Variants in UNC80 observed in about 807,000 individuals in gnomAD.
UNC80 encodes protein unc-80 homolog.
UNC80 carries 164 observed loss-of-function variants against 384.6 expected under a neutral mutation model. The ratio of observed to expected loss-of-function variants is 0.43; its 90% CI spans 0.38 to 0.49. UNC80 has a LOEUF of 0.49. Ranked by LOEUF, UNC80 falls within the 20% of genes least tolerant of loss-of-function variation. The pLI, the probability that UNC80 is intolerant of heterozygous loss-of-function variation, is 0.00. For missense variants in UNC80, 3,330 were observed against 4,143.0 expected, an observed-to-expected ratio of 0.80 and a Z score of 5.39; for synonymous variants, 1,486 against 1,527.8, an observed-to-expected ratio of 0.97 and a Z score of 0.64.
intron 18 of UNC80, 22 bp downstream of exon 18, chr2:209,835,032 T>G: frequency 2.6e-6 from 4 of 1,530,084 alleles, no homozygotes; most frequent in Non-Finnish European, 3.5e-6. Flanking sequence ...TGGTTTTGTC[T>G]CCAGTGCAGA....
intron 20 of UNC80, among the ~76,000 whole-genome samples, chr2:209,841,358 T>TTG (rs2081734258): frequency 6.6e-6 from 1 of 152,106 alleles, no homozygotes; most frequent in African/African-American, 2.4e-5. Context: ...TGTTGTTGTT[T>TTG]TTGTTTTGTT....
In UNC80 at chr2:209,842,456, A is replaced by ATG; in HGVS notation, c.3454+11_3454+12dup. 6.6e-7 allele frequency: 1 copy of ATG among 1,526,698 alleles called. No homozygotes were observed. The highest frequency in any genetic ancestry group is 8.9e-7 in the Non-Finnish European group (1 of 1,125,796). 94.6% of individuals were successfully genotyped at this position (1,526,698 alleles called of 1,614,324 possible). On this transcript the variant is annotated intron_variant, in intron 21 of 64. Coordinates refer to ENST00000673920, the MANE Select transcript of UNC80 (RefSeq NM_001371986.1). ...TTCTTCAAGCGTCTTGGTAAATGTC[A>ATG]TGCATCCTAAGAATTCTATTCAACT...
rs574646070 is a variant in UNC80 at position 209,901,004 on chromosome 2, G to A, written c.4582-3761G>A. 1.2e-4 allele frequency among the ~76,000 whole-genome samples: 18 copies of A among 152,298 alleles called. No homozygotes were observed. The South Asian group carries it at 3.7e-3, about 32-fold the overall frequency. ...TTAGCAGAGGTTGCTTCATGAGGTT[G>A]AAAGAAAGAAGCCATCTCCATAACA... On this transcript the variant is annotated intron_variant, in intron 28 of 64. Transcript: ENST00000673920.
rs1008970824 is a variant in UNC80 at position 209,775,860 on chromosome 2, T to C, written c.142-29T>C. The stretch of plus-strand genomic sequence containing the variant: ...TTACGTGGTTTTGGATTTTGGCTTT[T>C]CTTATTGTTTTTGTTTTTGTATTTA... On this transcript the variant is annotated intron_variant, in intron 2 of 64. Transcript: ENST00000673920. 3.7e-6 allele frequency: 6 copies of C among 1,602,846 alleles called. No homozygotes were observed. The African/African-American group carries it at 8.1e-5, about 22-fold the overall frequency.
chr2:209,970,530 C>T (rs942059894), intron 53 of UNC80, among the ~76,000 whole-genome samples: 2 of 152,118 alleles, frequency 1.3e-5, no homozygotes, highest in Non-Finnish European at 2.9e-5. Flanking sequence ...TGACCGCATT[C>T]CTTTGAATTC....
At chr2:209,969,632 T>A in intron 52 of UNC80, 136 bp from the exon 53 acceptor site, 1 of 1,266,832 alleles carries the variant, frequency 7.9e-7, no homozygotes, top group Non-Finnish European at 1.1e-6. Flanking sequence ...GCTCTGTGCT[T>A]TTGGAACAAT....
chr2:209,843,445 C>A (rs2081917486), intron 21 of UNC80, among the ~76,000 whole-genome samples: 1 of 151,884 alleles, frequency 6.6e-6, no homozygotes, highest in African/African-American at 2.4e-5. Flanking sequence ...TTTATTATTT[C>A]ATTAACTTAG....
chr2:209,840,448 A>C (rs900523821), intron 19 of UNC80, 94 bp from the exon 20 acceptor site: 1 of 1,034,610 alleles, frequency 9.7e-7, no homozygotes, highest in African/African-American at 1.6e-5. Flanking sequence ...AAGCCATGTA[A>C]CTTTCATCGC....
chr2:209,899,873 C>T lies in UNC80; in HGVS notation c.4581+3460C>T, dbSNP rs112165748. Among the ~76,000 whole-genome samples the T allele has an allele frequency of 1.6e-4, 25 of 152,318 alleles. 1 individual carries two copies. The highest frequency in any genetic ancestry group is 5.5e-4 in the African/African-American group (23 of 41,568). On this transcript the variant is annotated intron_variant, in intron 28 of 64. Transcript: ENST00000673920. Reference sequence around the variant, plus strand: ...GGGAAAACTGTCATCCAGTGTCAGTCGGACTTATTTGGACCTCATTTCTCT... The same window carrying T: ...GGGAAAACTGTCATCCAGTGTCAGTTGGACTTATTTGGACCTCATTTCTCT...
rs545998598 is a variant in UNC80 at position 209,880,983 on chromosome 2, C to A, written c.3999C>A (p.Cys1333Ter). 1 of 1,552,018 alleles carries A rather than the reference C, an allele frequency of 6.4e-7. No individual in the cohort carries two copies. The highest frequency in any genetic ancestry group is 8.7e-7 in the Non-Finnish European group (1 of 1,147,048). Reference protein sequence around the residue: ...LDDSTVNPSKCGCPFALKMAA... With the variant: ...LDDSTVNPSK ...TAGGTACTGTGAACCCCTCTAAATG[C>A]GGTTGCCCCTTTGCCTTGAAGATGG... The change falls in exon 25 of 65, where the codon TGC becomes TGA. Residue 1333 changes from cysteine to a stop codon, truncating the protein, a stop_gained. Transcript: ENST00000673920. LOFTEE classifies it high-confidence loss of function.
chr2:209,909,731 G>C (rs920914083), intron 29 of UNC80, among the ~76,000 whole-genome samples: 1 of 152,084 alleles, frequency 6.6e-6, no homozygotes, highest in Non-Finnish European at 1.5e-5. Context: ...TCAGGATGCC[G>C]AGAGGAGTCA....
In UNC80 at chr2:209,926,895, A is replaced by ACAAGCAGTGT. The variant is rs1559342454; in HGVS notation, c.5716_5725dup (p.Phe1909SerfsTer23). The ACAAGCAGTGT allele has an allele frequency of 2.6e-6, 4 of 1,552,202 alleles. No homozygotes were observed. ...CGAACCACCATGTGCCTCAGCCCCC[A>ACAAGCAGTGT]CAAGCAGTGTTCCCAGCATGCATCT... On this transcript the variant is annotated frameshift_variant, in exon 36 of 65. Transcript: ENST00000673920. LOFTEE classifies it high-confidence loss of function.
intron 4 of UNC80, among the ~76,000 whole-genome samples, chr2:209,780,295 TAAAC>T (rs1386338393): frequency 6.6e-6 from 1 of 151,112 alleles, no homozygotes; most frequent in African/African-American, 2.5e-5. Flanking sequence ...TTGATATAAA[TAAAC>T]AATTATAGTT....
At chr2:209,856,387 T>G (rs2124851887) in intron 22 of UNC80, among the ~76,000 whole-genome samples, 1 of 152,268 alleles carries the variant, frequency 6.6e-6, no homozygotes, top group East Asian at 1.9e-4. Context: ...CATCTCCCAG[T>G]GTTCAGCTTG....
chr2:209,956,594 T>G (rs556726823), intron 48 of UNC80, among the ~76,000 whole-genome samples: 21 of 152,034 alleles, frequency 1.4e-4, no homozygotes, highest in Non-Finnish European at 2.2e-4. Flanking sequence ...TTTTTTTAAA[T>G]TATACTTTAA....
chr2:209,894,504 G>GA, intron 27 of UNC80, 138 bp downstream of exon 27: 1 of 363,886 alleles, frequency 2.7e-6, no homozygotes, highest in Non-Finnish European at 3.8e-6. Flanking sequence ...TGTTCAGCCT[G>GA]AAAACCATAC....
chr2:209,978,303 A>T (rs889359576), intron 58 of UNC80, among the ~76,000 whole-genome samples: 1 of 152,228 alleles, frequency 6.6e-6, no homozygotes, highest in African/African-American at 2.4e-5. Flanking sequence ...ATTGTTACAG[A>T]TGTTATGTTC....
At chr2:209,960,152 A>G (rs937042318) in intron 51 of UNC80, among the ~76,000 whole-genome samples, 5 of 152,234 alleles carry the variant, frequency 3.3e-5, no homozygotes, top group Non-Finnish European at 7.3e-5. Context: ...TGAGCCCTGC[A>G]GGGAAGTAAG....
chr2:209,882,101 G>A (rs1209741539), intron 25 of UNC80, among the ~76,000 whole-genome samples: 2 of 151,544 alleles, frequency 1.3e-5, no homozygotes, highest in Non-Finnish European at 2.9e-5. Flanking sequence ...CGAGTAGCTG[G>A]GACTACAGGC....
Sources: allele counts gnomAD v4.1 joint callset (sites outside exome capture counted in the v4.1 genomes callset), GRCh38; gene constraint gnomAD v4.1.1; transcripts MANE v1.5; gene names NCBI Gene and HGNC (gene_info 2026-07-23, HGNC 2026-07-21).